Variants in CNTNAP2 observed in about 807,000 individuals in gnomAD.
CNTNAP2 encodes the protein contactin-associated protein-like 2.
Under a neutral mutation model 155.2 loss-of-function variants are expected in CNTNAP2, and 98 were observed. That is an observed-to-expected ratio of 0.63 (90% CI 0.54 to 0.75). The LOEUF (loss-of-function observed/expected upper bound fraction) is 0.75, where lower values mean the gene tolerates loss of function less well. Among genes scored for constraint, CNTNAP2 ranks in the 30% least tolerant of loss-of-function variants. The pLI, the probability that CNTNAP2 is intolerant of heterozygous loss-of-function variation, is 0.00. For synonymous variants in CNTNAP2, 651 were observed against 631.2 expected, an observed-to-expected ratio of 1.03 and a Z score of -0.47; for missense variants, 1,727 against 1,688.1, an observed-to-expected ratio of 1.02 and a Z score of -0.40.
chr7:146,997,383 G>A (rs979609089), intron 3 of CNTNAP2, among the ~76,000 whole-genome samples: 34 of 152,020 alleles, frequency 2.2e-4, no homozygotes, highest in South Asian at 6.2e-4. Flanking sequence ...TTATTAATTC[G>A]CATATGGTAA....
At chr7:147,948,148 T>A (rs2204922) in intron 14 of CNTNAP2, among the ~76,000 whole-genome samples, 34,384 of 152,010 alleles carry the variant, frequency 0.23, 5,143 homozygotes, top group East Asian at 0.55. Flanking sequence ...ATTCTAAGTA[T>A]CCTCAATGGT....
intron 11 of CNTNAP2, among the ~76,000 whole-genome samples, chr7:147,528,026 G>T (rs1360954206): frequency 6.6e-6 from 1 of 152,152 alleles, no homozygotes; most frequent in Non-Finnish European, 1.5e-5. Flanking sequence ...ATGCTGGGAC[G>T]TTATTCACTG....
At chr7:147,160,020 T>C (rs917087574) in intron 8 of CNTNAP2, among the ~76,000 whole-genome samples, 15 of 152,074 alleles carry the variant, frequency 9.9e-5, no homozygotes, top group African/African-American at 3.6e-4. Flanking sequence ...AAAATATAAT[T>C]GGTAAGAACC....
At chr7:147,694,564 A>G (rs2116996349) in intron 13 of CNTNAP2, among the ~76,000 whole-genome samples, 1 of 152,232 alleles carries the variant, frequency 6.6e-6, no homozygotes, top group South Asian at 2.1e-4. Flanking sequence ...TTCTCATGTG[A>G]GTTTTTCAAA....
At chr7:146,564,580 AT>A in intron 1 of CNTNAP2, among the ~76,000 whole-genome samples, 1 of 148,640 alleles carries the variant, frequency 6.7e-6, no homozygotes, top group Non-Finnish European at 1.5e-5. Flanking sequence ...AACATGTAAT[AT>A]TATATAGTAT....
At chr7:146,834,402 ACG>A (rs1341804728) in intron 2 of CNTNAP2, among the ~76,000 whole-genome samples, 3 of 152,116 alleles carry the variant, frequency 2.0e-5, no homozygotes, top group Admixed American at 2.0e-4. Flanking sequence ...TTTACAGCAT[ACG>A]TGTGCTCACA....
chr7:146,932,951 T>C (rs1796811075), intron 3 of CNTNAP2, among the ~76,000 whole-genome samples: 1 of 152,052 alleles, frequency 6.6e-6, no homozygotes, highest in South Asian at 2.1e-4. Context: ...TACAAAGAAA[T>C]GGAAGAACAT....
At chr7:146,968,937 T>C (rs1482529433) in intron 3 of CNTNAP2, among the ~76,000 whole-genome samples, 202 of 148,042 alleles carry the variant, frequency 1.4e-3, no homozygotes, top group African/African-American at 4.8e-3. Context: ...TGCTTTCTCT[T>C]GTGGGCATTT....
intron 16 of CNTNAP2, among the ~76,000 whole-genome samples, chr7:148,129,459 T>C (rs753771411): frequency 1.3e-5 from 2 of 152,112 alleles, no homozygotes; most frequent in African/African-American, 2.4e-5. Flanking sequence ...TTCTGGGTGG[T>C]AGAAATAGTC....
intron 10 of CNTNAP2, among the ~76,000 whole-genome samples, chr7:147,472,204 C>CTTTTTTTTTTTTTTTTTTTTTTTT (rs542047274): frequency 1.4e-4 from 11 of 81,068 alleles, no homozygotes; most frequent in African/African-American, 5.7e-4. Flanking sequence ...TCTTTTTTTC[C>CTTTTTTTTTTTTTTTTTTTTTTTT]TTTTTTTTTT....
intron 18 of CNTNAP2, among the ~76,000 whole-genome samples, chr7:148,193,318 G>A (rs1795228960): frequency 6.6e-6 from 1 of 152,132 alleles, no homozygotes; most frequent in Admixed American, 6.5e-5. Context: ...GCCATTAGGT[G>A]GGGTGGACAC....
At chr7:147,840,945 G>A (rs1336968709) in intron 13 of CNTNAP2, among the ~76,000 whole-genome samples, 3 of 152,186 alleles carry the variant, frequency 2.0e-5, no homozygotes, top group Admixed American at 1.3e-4. Flanking sequence ...TGTAAAGTTG[G>A]TTAAGCATAA....
intron 4 of CNTNAP2, among the ~76,000 whole-genome samples, chr7:147,092,963 C>T (rs1319580686): frequency 2.0e-5 from 3 of 152,082 alleles, no homozygotes; most frequent in Non-Finnish European, 1.5e-5. Flanking sequence ...TGGCTCACGC[C>T]TGTAATCCCA....
chr7:148,226,994 T>C (rs1795864197), intron 19 of CNTNAP2, among the ~76,000 whole-genome samples: 1 of 152,140 alleles, frequency 6.6e-6, no homozygotes, highest in Non-Finnish European at 1.5e-5. Flanking sequence ...GAGGCAAGGA[T>C]CAAGTTTGCT....
intron 9 of CNTNAP2, among the ~76,000 whole-genome samples, chr7:147,380,001 T>C (rs1235279071): frequency 6.6e-6 from 1 of 152,104 alleles, no homozygotes; most frequent in East Asian, 1.9e-4. Flanking sequence ...ACATTTTATT[T>C]AGCATTTCTA....
chr7:146,520,285 A>AAT (rs1443127632), intron 1 of CNTNAP2, among the ~76,000 whole-genome samples: 1 of 143,040 alleles, frequency 7.0e-6, no homozygotes, highest in Non-Finnish European at 1.5e-5. Context: ...TACATTATAA[A>AAT]ATATATATCT....
intron 21 of CNTNAP2, among the ~76,000 whole-genome samples, chr7:148,309,941 G>A (rs1797562861): frequency 1.3e-5 from 2 of 152,134 alleles, no homozygotes; most frequent in African/African-American, 4.8e-5. Context: ...TCTTAGGGCT[G>A]CTTCGAGCGG....
chr7:146,319,739 A>G (rs1216674211), intron 1 of CNTNAP2, among the ~76,000 whole-genome samples: 1 of 152,156 alleles, frequency 6.6e-6, no homozygotes, highest in Admixed American at 6.5e-5. Flanking sequence ...TGTTTATTTT[A>G]GTGTGTGTTA....
At chr7:147,549,783 G>C (rs1799815709) in intron 11 of CNTNAP2, among the ~76,000 whole-genome samples, 1 of 152,178 alleles carries the variant, frequency 6.6e-6, no homozygotes. Context: ...AATCTACATA[G>C]AGGAGTTAAT....
Sources: gnomAD v4.1 joint callset for allele counts (sites outside exome capture counted in the v4.1 genomes callset) on GRCh38, gnomAD v4.1.1 for gene constraint, MANE v1.5 for transcripts, NCBI Gene and HGNC (gene_info 2026-07-23, HGNC 2026-07-21) for gene names.